GALNTL6: variants seen among roughly 807,000 people sequenced by gnomAD.
GALNTL6 encodes polypeptide N-acetylgalactosaminyltransferase-like 6.
A neutral mutation model predicts 73.7 loss-of-function variants in GALNTL6; 46 were observed. That is an observed-to-expected ratio of 0.62 (90% CI 0.49 to 0.80). The LOEUF (loss-of-function observed/expected upper bound fraction) is 0.80, where lower values mean the gene tolerates loss of function less well. Ranked by LOEUF, GALNTL6 falls within the 30% of genes least tolerant of loss-of-function variation. The probability of loss-of-function intolerance (pLI) is 0.00; values close to 1 mark genes in which losing one functional copy is unlikely to be tolerated. For synonymous variants in GALNTL6, 259 were observed against 263.7 expected, an observed-to-expected ratio of 0.98 and a Z score of 0.17; for missense variants, 604 against 755.0, an observed-to-expected ratio of 0.80 and a Z score of 2.34.
intron 5 of GALNTL6, among the ~76,000 whole-genome samples, chr4:172,478,261 T>A (rs1733311392): frequency 6.6e-6 from 1 of 152,212 alleles, no homozygotes; most frequent in Admixed American, 6.5e-5. Flanking sequence ...TACCTAACTT[T>A]GTTTGCTACA....
intron 3 of GALNTL6, among the ~76,000 whole-genome samples, chr4:172,264,852 T>C (rs1738397735): frequency 6.6e-6 from 1 of 151,014 alleles, no homozygotes; most frequent in Non-Finnish European, 1.5e-5. Flanking sequence ...ACTTTTCTTT[T>C]TCTTCTTTTT....
intron 10 of GALNTL6, among the ~76,000 whole-genome samples, chr4:173,001,577 G>T (rs372457679): frequency 8.5e-5 from 13 of 152,236 alleles, no homozygotes; most frequent in East Asian, 7.7e-4. Context: ...GAATGAAAAG[G>T]TAACCCACTG....
intron 5 of GALNTL6, among the ~76,000 whole-genome samples, chr4:172,481,264 G>A (rs1050835140): frequency 2.6e-5 from 4 of 151,630 alleles, no homozygotes; most frequent in East Asian, 2.0e-4. Flanking sequence ...CATTCCTCCC[G>A]GTGGGTTTGT....
intron 5 of GALNTL6, among the ~76,000 whole-genome samples, chr4:172,424,271 G>T: frequency 6.6e-6 from 1 of 151,476 alleles, no homozygotes; most frequent in Admixed American, 6.6e-5. Context: ...TGATAACTTT[G>T]CAATTATTTT....
At chr4:172,479,254 T>C (rs1470827436) in intron 5 of GALNTL6, among the ~76,000 whole-genome samples, 3 of 152,146 alleles carry the variant, frequency 2.0e-5, no homozygotes, top group Admixed American at 2.0e-4. Flanking sequence ...TGCACATATA[T>C]GGAGTCAACC....
intron 5 of GALNTL6, among the ~76,000 whole-genome samples, chr4:172,592,778 G>C: frequency 6.6e-6 from 1 of 151,846 alleles, no homozygotes; most frequent in African/African-American, 2.4e-5. Context: ...TTCCTTAGCT[G>C]ATACAAAACT....
At chr4:172,674,436 G>T (rs1732162991) in intron 5 of GALNTL6, among the ~76,000 whole-genome samples, 1 of 152,066 alleles carries the variant, frequency 6.6e-6, no homozygotes, top group South Asian at 2.1e-4. Context: ...TGATGATTAT[G>T]TGTCTTGAGG....
intron 5 of GALNTL6, among the ~76,000 whole-genome samples, chr4:172,355,354 T>C (rs188611066): frequency 7.2e-4 from 110 of 152,276 alleles, no homozygotes; most frequent in African/African-American, 2.5e-3. Context: ...TAATGTACGT[T>C]GTTTGAGAGA....
At chr4:172,111,751 T>C (rs1018460918) in intron 2 of GALNTL6, among the ~76,000 whole-genome samples, 3 of 152,094 alleles carry the variant, frequency 2.0e-5, no homozygotes, top group African/African-American at 7.2e-5. Flanking sequence ...TTATTTTTTG[T>C]AACACTTTAT....
At chr4:172,347,207 C>T (rs1421233422) in intron 4 of GALNTL6, among the ~76,000 whole-genome samples, 1 of 151,998 alleles carries the variant, frequency 6.6e-6, no homozygotes, top group Non-Finnish European at 1.5e-5. Flanking sequence ...CCAGGCTGAT[C>T]TTGAACTCCA....
At chr4:172,469,614 A>G (rs908400736) in intron 5 of GALNTL6, among the ~76,000 whole-genome samples, 5 of 152,130 alleles carry the variant, frequency 3.3e-5, no homozygotes, top group African/African-American at 1.2e-4. Context: ...TGGTCAGCAG[A>G]GCAAGACCTT....
intron 5 of GALNTL6, among the ~76,000 whole-genome samples, chr4:172,683,411 A>G (rs1389000459): frequency 6.6e-6 from 1 of 152,216 alleles, no homozygotes; most frequent in Non-Finnish European, 1.5e-5. Flanking sequence ...GTCACTGGAA[A>G]TATATGCATC....
chr4:172,528,866 C>T (rs1417635097), intron 5 of GALNTL6, among the ~76,000 whole-genome samples: 2 of 145,746 alleles, frequency 1.4e-5, no homozygotes, highest in Admixed American at 7.0e-5. Context: ...TTATATTTTT[C>T]ATCACAAGGA....
chr4:172,964,736 T>C (rs1750246245), intron 10 of GALNTL6, among the ~76,000 whole-genome samples: 2 of 152,232 alleles, frequency 1.3e-5, no homozygotes, highest in African/African-American at 4.8e-5. Context: ...CGAAAGGAAG[T>C]TCAACACTAG....
chr4:171,915,106 T>A (rs189591933), intron 2 of GALNTL6, among the ~76,000 whole-genome samples: 19 of 152,274 alleles, frequency 1.2e-4, no homozygotes, highest in African/African-American at 3.8e-4. Context: ...TAACTTATAA[T>A]TGAATTGTTT....
chr4:172,561,816 C>T (rs1259478269), intron 5 of GALNTL6, among the ~76,000 whole-genome samples: 1 of 152,090 alleles, frequency 6.6e-6, no homozygotes, highest in Non-Finnish European at 1.5e-5. Flanking sequence ...ATAGCTCCTC[C>T]AGAGATTCAT....
intron 5 of GALNTL6, among the ~76,000 whole-genome samples, chr4:172,686,310 C>G (rs1300593108): frequency 1.3e-5 from 2 of 152,104 alleles, no homozygotes; most frequent in Admixed American, 6.5e-5. Flanking sequence ...TGAGCAGAGC[C>G]TCAGACCCCC....
intron 2 of GALNTL6, among the ~76,000 whole-genome samples, chr4:172,062,185 A>C (rs1579100263): frequency 6.6e-6 from 1 of 151,528 alleles, no homozygotes; most frequent in Non-Finnish European, 1.5e-5. Flanking sequence ...TGAATTCCTG[A>C]CCTCATGATC....
intron 10 of GALNTL6, among the ~76,000 whole-genome samples, chr4:172,977,032 G>A (rs923683791): frequency 1.3e-5 from 2 of 152,198 alleles, no homozygotes; most frequent in African/African-American, 4.8e-5. Context: ...TATTGATTTT[G>A]CATGAGAAAT....
Sources: allele counts gnomAD v4.1 joint callset (sites outside exome capture counted in the v4.1 genomes callset), GRCh38; gene constraint gnomAD v4.1.1; transcripts MANE v1.5; gene names NCBI Gene and HGNC (gene_info 2026-07-23, HGNC 2026-07-21).